Variants in DOP1B observed in about 807,000 individuals in gnomAD.
DOP1B encodes the protein protein DOP1B.
Under a neutral mutation model 233.5 loss-of-function variants are expected in DOP1B, and 174 were observed. The observed-to-expected ratio is 0.75, with a 90% CI of 0.66 to 0.85. DOP1B has a LOEUF of 0.85. Ranked by LOEUF, DOP1B falls within the 40% of genes least tolerant of loss-of-function variation. The pLI is 0.00. For missense variants in DOP1B, 2,652 were observed against 2,846.6 expected, an observed-to-expected ratio of 0.93 and a Z score of 1.56; for synonymous variants, 1,190 against 1,185.6, an observed-to-expected ratio of 1.00 and a Z score of -0.08.
At chr21:36,194,423 T>G (rs1413062957) in intron 2 of DOP1B, among the ~76,000 whole-genome samples, 1 of 152,076 alleles carries the variant, frequency 6.6e-6, no homozygotes, top group Non-Finnish European at 1.5e-5. Context: ...GAAGGATATC[T>G]CTTCATTTTT....
At chr21:36,227,236 TA>T (rs1190768816) in intron 12 of DOP1B, among the ~76,000 whole-genome samples, 1 of 145,402 alleles carries the variant, frequency 6.9e-6, no homozygotes, top group Non-Finnish European at 1.5e-5. Context: ...ATAAATAAAA[TA>T]AAATAAAATA....
At position 36,246,748 on chromosome 21, in the gene DOP1B, C is replaced by T. The variant is rs148885118; in HGVS notation, c.4697+71C>T. 3.1e-5 allele frequency: 48 copies of T among 1,530,854 alleles called. No individual in the cohort carries two copies. The highest frequency in any genetic ancestry group is 3.5e-4 in the Middle Eastern group (2 of 5,704). 94.8% of individuals were successfully genotyped at this position (1,530,854 alleles called of 1,614,324 possible). A position where few individuals can be genotyped will look rare whatever the true frequency, so the allele number is the denominator to read the frequency against. ...TTTATAACGAATGACTGTTTTGCCA[C>T]GGATGTGGATGTCGGTTGGAGGATA... On this transcript the variant is annotated intron_variant, in intron 19 of 36. Transcript: ENST00000691173. The surrounding 1 kb of genome is among the most constrained non-coding windows in gnomAD (Gnocchi z 5.1).
At chr21:36,208,006 A>T (rs972414537) in intron 4 of DOP1B, among the ~76,000 whole-genome samples, 2 of 152,180 alleles carry the variant, frequency 1.3e-5, no homozygotes, top group Non-Finnish European at 2.9e-5. Context: ...TCTTAAAAGG[A>T]TGCATGAGAA....
In DOP1B at chr21:36,199,085, C is replaced by G; in HGVS notation, c.154C>G (p.Leu52Val). The change falls in exon 3 of 37, where the codon CTG becomes GTG. Residue 52 changes from leucine (L) to valine (V), a missense_variant. Around this residue, in one of 3 missense-constraint regions of DOP1B, gnomAD observed 2,617 missense variants for 2,794.3 expected, o/e 0.94. Transcript: ENST00000691173. The stretch of plus-strand genomic sequence containing the variant: ...TGTTTGACAGGCTCTTCAGAGTAAC[C>G]TGAGGTACTCCTTGTTGCCAAGACG... ...GKLNKALQSN[L>V]RYSLLPRRLL... 6.2e-7 allele frequency: 1 copy of G among 1,613,050 alleles called. No homozygotes were observed. The highest frequency in any genetic ancestry group is 8.5e-7 in the Non-Finnish European group (1 of 1,179,686).
chr21:36,178,358 G>C (rs1307183659), intron 2 of DOP1B, among the ~76,000 whole-genome samples: 2 of 151,974 alleles, frequency 1.3e-5, no homozygotes, highest in Non-Finnish European at 2.9e-5. Flanking sequence ...AATTAGCCTG[G>C]TGTGGTAGCA....
intron 2 of DOP1B, among the ~76,000 whole-genome samples, chr21:36,197,137 T>C (rs1441952172): frequency 6.6e-6 from 1 of 152,058 alleles, no homozygotes; most frequent in Non-Finnish European, 1.5e-5. Flanking sequence ...TTTCATCATG[T>C]TGGCCAGGTT....
chr21:36,204,564 G>T (rs1246615677), intron 4 of DOP1B, among the ~76,000 whole-genome samples: 1 of 151,774 alleles, frequency 6.6e-6, no homozygotes, highest in Non-Finnish European at 1.5e-5. Flanking sequence ...GCTCACTGCA[G>T]TCTCAACCTC....
intron 30 of DOP1B, 38 bp downstream of exon 30, chr21:36,278,393 C>A (rs1323346786): frequency 9.5e-6 from 15 of 1,574,914 alleles, no homozygotes; most frequent in Admixed American, 5.5e-5. Context: ...TGCTCTGAAT[C>A]TTCAGGTGGA....
intron 2 of DOP1B, chr21:36,168,886 CCCTGTGGGTTTTTTTT>C: frequency 2.2e-6 from 1 of 448,092 alleles, no homozygotes; most frequent in Non-Finnish European, 4.0e-6. Flanking sequence ...AGTGGTCTCT[CCCTGTGGGTTTTTTTT>C]TTTAATTAAT....
Position 36,207,152 on chromosome 21 carries a change from C to G in DOP1B, c.492-1563C>G, listed in dbSNP as rs1012931. 4.4e-4 allele frequency among the ~76,000 whole-genome samples: 66 copies of G among 150,188 alleles called. 1 individual carries two copies. Among genetic ancestry groups the G allele is most frequent in the African/African-American group, 1.4e-3 (58 of 40,960 alleles). On this transcript the variant is annotated intron_variant, in intron 4 of 36. Transcript: ENST00000691173. Reference sequence around the variant, plus strand: ...GCATGGCCCAAGCATTAGGTCTGTTCTTCTGGGTTGAGTTTTTTTTTTTTC... The same window carrying G: ...GCATGGCCCAAGCATTAGGTCTGTTGTTCTGGGTTGAGTTTTTTTTTTTTC...
chr21:36,199,042 C>T (rs763198739), intron 2 of DOP1B, 28 bp from the exon 3 acceptor site: 1 of 1,600,764 alleles, frequency 6.2e-7, no homozygotes, highest in East Asian at 2.2e-5. Flanking sequence ...CCTTCTTCCT[C>T]ATGTGTTTTT....
chr21:36,241,742 T>C (rs2066894648), intron 18 of DOP1B, among the ~76,000 whole-genome samples: 1 of 147,508 alleles, frequency 6.8e-6, no homozygotes, highest in South Asian at 2.2e-4. Flanking sequence ...GGTTTCACCA[T>C]GTTGGTCAGG....
intron 27 of DOP1B, among the ~76,000 whole-genome samples, 200 bp downstream of exon 27, chr21:36,270,357 A>G (rs2067273457): frequency 6.6e-6 from 1 of 150,442 alleles, no homozygotes; most frequent in Non-Finnish European, 1.5e-5. Context: ...GTTTGAGACT[A>G]GCCTGGCCAA....
intron 2 of DOP1B, among the ~76,000 whole-genome samples, chr21:36,188,806 G>T (rs966905760): frequency 2.6e-5 from 4 of 152,142 alleles, no homozygotes; most frequent in Non-Finnish European, 5.9e-5. Flanking sequence ...TAGGGTGACT[G>T]TCTCTTCTAG....
At chr21:36,227,902 G>C (rs767520814) in intron 13 of DOP1B, 25 bp downstream of exon 13, 1 of 1,535,468 alleles carries the variant, frequency 6.5e-7, no homozygotes, top group Non-Finnish European at 8.8e-7. Flanking sequence ...GGGCAGAAAT[G>C]GTTCTGGGGG....
At chr21:36,215,205 C>T (rs1394279997) in intron 9 of DOP1B, among the ~76,000 whole-genome samples, 4 of 152,026 alleles carry the variant, frequency 2.6e-5, no homozygotes, top group Non-Finnish European at 4.4e-5. Context: ...TAGGGGACCC[C>T]GTCCATCTTT....
chr21:36,179,746 A>C (rs1444200235), intron 2 of DOP1B, among the ~76,000 whole-genome samples: 4 of 152,196 alleles, frequency 2.6e-5, no homozygotes, highest in Non-Finnish European at 4.4e-5. Context: ...TGTGTGTGTG[A>C]GAGAAAGGGA....
At chr21:36,235,470 A>C (rs1185309596) in intron 15 of DOP1B, among the ~76,000 whole-genome samples, 1 of 152,058 alleles carries the variant, frequency 6.6e-6, no homozygotes, top group Non-Finnish European at 1.5e-5. Context: ...CTGTAATCCC[A>C]GCATCCAGCA....
At chr21:36,201,602 C>T (rs2066368154) in intron 4 of DOP1B, among the ~76,000 whole-genome samples, 1 of 151,936 alleles carries the variant, frequency 6.6e-6, no homozygotes, top group Non-Finnish European at 1.5e-5. Flanking sequence ...CCCACCTCAG[C>T]CTCCCAAAGT....
Sources: allele counts gnomAD v4.1 joint callset (sites outside exome capture counted in the v4.1 genomes callset), GRCh38; gene constraint gnomAD v4.1.1; regional missense constraint gnomAD v4.1.1; non-coding constraint Gnocchi (gnomAD v3.1); transcripts MANE v1.5; gene names NCBI Gene and HGNC (gene_info 2026-07-23, HGNC 2026-07-21).